PLB1: variants seen among roughly 807,000 people sequenced by gnomAD.
PLB1 encodes the protein phospholipase B1.
A neutral mutation model predicts 227.4 loss-of-function variants in PLB1; 242 were observed. That is an observed-to-expected ratio of 1.06 (90% CI 0.96 to 1.18). The LOEUF is 1.18. PLB1 is among the 50% of genes most tolerant of loss of function. The pLI is 0.00. For missense variants in PLB1, 1,858 were observed against 1,816.3 expected (o/e 1.02, Z -0.42); for synonymous variants, 757 against 682.2 (o/e 1.11, Z -1.71).
At chr2:28,539,823 G>A in intron 11 of PLB1, among the ~76,000 whole-genome samples, 1 of 152,006 alleles carries the variant, frequency 6.6e-6, no homozygotes, top group South Asian at 2.1e-4. Context: ...AGTGAGCGGG[G>A]AGGAGGAGGA....
At chr2:28,562,386 A>G (rs766997023) in intron 17 of PLB1, among the ~76,000 whole-genome samples, 9 of 151,720 alleles carry the variant, frequency 5.9e-5, no homozygotes, top group Non-Finnish European at 1.3e-4. Context: ...TACTAAAAAT[A>G]CAAAAATTAG....
Position 28,591,171 on chromosome 2 carries a change from G to A in PLB1, c.2127G>A (p.Gln709=), listed in dbSNP as rs1014496832. ...PFLRTYKNSM[Q]GHGTWLPCRD... ...TGAGGACCTACAAGAACAGCATGCA[G>A]GTACCTGCCTCTTGCCTCCTCTTGA... The change falls in exon 30 of 58, where the codon CAG becomes CAA. Residue 709 remains glutamine (Q), a splice_region_variant and synonymous_variant. Transcript: ENST00000327757. The A allele has an allele frequency of 1.2e-6, 2 of 1,614,204 alleles. No individual in the cohort carries two copies. The highest frequency in any genetic ancestry group is 1.7e-6 in the Non-Finnish European group (2 of 1,180,022).
intron 35 of PLB1, 104 bp downstream of exon 35, chr2:28,598,864 G>A: frequency 1.0e-6 from 1 of 994,750 alleles, no homozygotes; most frequent in East Asian, 2.4e-5. Context: ...GGGGCACTTA[G>A]CCACTTGTGA....
intron 1 of PLB1, among the ~76,000 whole-genome samples, chr2:28,505,605 TTGAG>T (rs2148160460): frequency 6.6e-6 from 1 of 152,216 alleles, no homozygotes; most frequent in East Asian, 1.9e-4. Flanking sequence ...GGTGAACTCA[TTGAG>T]TGAGAAAAGG....
intron 1 of PLB1, among the ~76,000 whole-genome samples, chr2:28,501,689 A>G (rs1208743026): frequency 1.3e-5 from 2 of 152,138 alleles, no homozygotes; most frequent in Non-Finnish European, 2.9e-5. Context: ...TTGAGAAAAT[A>G]TATTCTTATT....
intron 55 of PLB1, 48 bp from the exon 56 acceptor site, chr2:28,632,896 T>TGCC: frequency 7.0e-7 from 1 of 1,427,016 alleles, no homozygotes; most frequent in South Asian, 1.2e-5. Flanking sequence ...GGGGCTCAGG[T>TGCC]AGCAGAGCCC....
chr2:28,510,769 C>A (rs527309599), intron 1 of PLB1, among the ~76,000 whole-genome samples: 115 of 96,798 alleles, frequency 1.2e-3, no homozygotes, highest in African/African-American at 5.2e-3. Context: ...CACCACCACA[C>A]TCAGATAATT....
chr2:28,535,553 G>T (rs1033179190), intron 9 of PLB1, among the ~76,000 whole-genome samples: 10 of 152,198 alleles, frequency 6.6e-5, no homozygotes, highest in African/African-American at 2.4e-4. Flanking sequence ...TGTTTGAGAA[G>T]TTCTTACGTG....
chr2:28,532,175 T>G lies in PLB1; in HGVS notation c.536T>G (p.Leu179Arg), dbSNP rs1468033374. The G allele has an allele frequency of 1.9e-6, 3 of 1,612,460 alleles. No individual in the cohort carries two copies. The highest frequency in any genetic ancestry group is 2.5e-6 in the Non-Finnish European group (3 of 1,179,128). Reference protein sequence around the residue: ...VFFSNASQCYLCPSAQQNGLA... With the variant: ...VFFSNASQCYRCPSAQQNGLA... ...TTCAGTAATGCAAGCCAGTGTTACC[T>G]GTGCCCCTCTGCTCAACAGGTAAAT... The change falls in exon 9 of 58, where the codon CTG becomes CGG. Residue 179 changes from leucine to arginine, a missense_variant. Physicochemically the swap from Leu to Arg is moderately radical, Grantham distance 102. Coordinates refer to ENST00000327757, the MANE Select transcript of PLB1 (RefSeq NM_153021.5).
intron 14 of PLB1, among the ~76,000 whole-genome samples, chr2:28,548,048 C>T (rs1037267915): frequency 6.6e-6 from 1 of 152,026 alleles, no homozygotes; most frequent in African/African-American, 2.4e-5. Flanking sequence ...GGATACCACA[C>T]CACCCACTCC....
intron 37 of PLB1, 50 bp from the exon 38 acceptor site, chr2:28,601,849 C>A: frequency 6.8e-7 from 1 of 1,479,088 alleles, no homozygotes; most frequent in Non-Finnish European, 9.5e-7. Context: ...GCCCCACTGC[C>A]CTCCCACCCT....
chr2:28,618,637 A>T (rs1219057243), intron 46 of PLB1, among the ~76,000 whole-genome samples: 2 of 152,192 alleles, frequency 1.3e-5, no homozygotes, highest in Non-Finnish European at 2.9e-5. Context: ...CCCAGGGAGA[A>T]GCAATCCCCG....
rs1670706737 is a variant in PLB1 at position 28,529,399 on chromosome 2, T to C, written c.408T>C (p.Asp136=). 4.4e-6 allele frequency: 7 copies of C among 1,598,840 alleles called. No homozygotes were observed. The African/African-American group carries it at 9.4e-5, about 21-fold the overall frequency. ...CHTGKRVIPH[D]GAEDLWIQAQ... Reference sequence around the variant, plus strand: ...CTGGAAAGAGAGTCATACCCCACGATGGTGCTGAGTAAGTTCCCTTTCTGT... The same window carrying C: ...CTGGAAAGAGAGTCATACCCCACGACGGTGCTGAGTAAGTTCCCTTTCTGT... Residue 136 remains aspartate (D), a synonymous_variant, in exon 7 of 58, where the codon GAT becomes GAC. Transcript: ENST00000327757.
At chr2:28,638,417 G>T (rs903297063) in intron 56 of PLB1, among the ~76,000 whole-genome samples, 4 of 152,136 alleles carry the variant, frequency 2.6e-5, no homozygotes, top group Admixed American at 6.5e-5. Context: ...TTGGGCAGGG[G>T]CCAGGTCCCT....
intron 11 of PLB1, 152 bp from the exon 12 acceptor site, chr2:28,540,214 C>G: frequency 1.6e-6 from 1 of 644,186 alleles, no homozygotes; most frequent in East Asian, 2.8e-5. Flanking sequence ...CTATTCTTCT[C>G]AACATTTATG....
rs544494074 is a variant in PLB1, at chr2:28,531,531, G to A, written c.469-577G>A. Among the ~76,000 whole-genome samples, 22 of 152,152 alleles carry A rather than the reference G, an allele frequency of 1.4e-4. 1 individual carries two copies. The East Asian group carries it at 3.1e-3, about 21-fold the overall frequency. The stretch of plus-strand genomic sequence containing the variant: ...TCTCCATGTTGGTCAGGCTGGTCTC[G>A]AACTCCCAACCTCAGGTGATCCGCC... On this transcript the variant is annotated intron_variant, in intron 8 of 57. Coordinates refer to ENST00000327757, the MANE Select transcript of PLB1 (RefSeq NM_153021.5).
intron 33 of PLB1, among the ~76,000 whole-genome samples, chr2:28,597,580 A>G (rs1191548545): frequency 1.3e-5 from 2 of 152,200 alleles, no homozygotes; most frequent in Non-Finnish European, 2.9e-5. Context: ...TCTATTTTCC[A>G]AAGGCTTCCA....
intron 2 of PLB1, 24 bp from the exon 3 acceptor site, chr2:28,518,442 T>G: frequency 6.3e-7 from 1 of 1,581,672 alleles, no homozygotes; most frequent in South Asian, 1.1e-5. Context: ...AGTTGATGTT[T>G]CTGATGTTCG....
chr2:28,496,118 G>T lies in PLB1; in HGVS notation c.4G>T (p.Gly2Trp). The change falls in exon 1 of 58, where the codon GGG (glycine) becomes TGG (tryptophan). Residue 2 changes from glycine to tryptophan, a missense_variant. Gly to Trp is a radical substitution (Grantham distance 184, BLOSUM62 -2). Coordinates refer to ENST00000327757, the MANE Select transcript of PLB1 (RefSeq NM_153021.5). M[G>W]LRPGIFLLEL... ...GAGTCACCTGGAGCATTCTGGCATG[G>T]GGCTGCGGCCAGGCATTTTCCTCCT... is the stretch of plus-strand genomic sequence containing the variant. 1 of 1,614,094 alleles carries T rather than the reference G, an allele frequency of 6.2e-7. No individual in the cohort carries two copies.
Sources: allele counts gnomAD v4.1 joint callset (sites outside exome capture counted in the v4.1 genomes callset), GRCh38; gene constraint gnomAD v4.1.1; transcripts MANE v1.5; gene names NCBI Gene and HGNC (gene_info 2026-07-23, HGNC 2026-07-21).